Variants in GOLGA1 observed in about 807,000 individuals in gnomAD.
The protein encoded by GOLGA1 is golgin subfamily A member 1.
A neutral mutation model predicts 119.7 loss-of-function variants in GOLGA1; 63 were observed. That is an observed-to-expected ratio of 0.53 (90% CI 0.43 to 0.65). The LOEUF (loss-of-function observed/expected upper bound fraction) is 0.65. Among genes scored for constraint, GOLGA1 ranks in the 30% least tolerant of loss-of-function variants. GOLGA1 has a pLI of 0.00. For missense variants in GOLGA1, 798 were observed against 912.8 expected (o/e 0.87, Z 1.62); for synonymous variants, 318 against 333.4 (o/e 0.95, Z 0.50).
intron 12 of GOLGA1, among the ~76,000 whole-genome samples, chr9:124,903,486 A>AG (rs2131422330): frequency 6.6e-6 from 1 of 151,762 alleles, no homozygotes; most frequent in East Asian, 1.9e-4. Context: ...TAAAAAAAAA[A>AG]AAGCTATGCC....
intron 15 of GOLGA1, among the ~76,000 whole-genome samples, chr9:124,891,146 A>G (rs747829606): frequency 6.6e-6 from 1 of 152,184 alleles, no homozygotes; most frequent in Non-Finnish European, 1.5e-5. Flanking sequence ...TAGGCTGACA[A>G]GACAGAACTG....
In GOLGA1 at chr9:124,888,698, T is replaced by G. The variant is rs28605510; in HGVS notation, c.1762-302A>C. Reference sequence around the variant, plus strand: ...CATATGAGTGCCCTACTTTATTTATTTATCTATTTATTTATTTATTGAGAC... The same window carrying G: ...CATATGAGTGCCCTACTTTATTTATGTATCTATTTATTTATTTATTGAGAC... On this transcript the variant is annotated intron_variant, in intron 18 of 22. Coordinates refer to ENST00000373555, the MANE Select transcript of GOLGA1 (RefSeq NM_002077.4). The surrounding 1 kb of genome is among the most constrained non-coding windows in gnomAD (Gnocchi z 4.4). 6.6e-6 allele frequency among the ~76,000 whole-genome samples: 1 copy of G among 150,984 alleles called. No homozygotes were observed. Among genetic ancestry groups the G allele is most frequent in the Non-Finnish European group, 1.5e-5 (1 of 67,976 alleles).
In GOLGA1 at chr9:124,908,409, G is replaced by T. The variant is rs769548778; in HGVS notation, c.1033C>A (p.Gln345Lys). The T allele has an allele frequency of 3.1e-6, 5 of 1,609,292 alleles. No individual in the cohort carries two copies. The East Asian group carries it at 1.1e-4, about 36-fold the overall frequency. ...TCCAGGGTGTTAATGGCCTTAGCCT[G>T]GCTGCTTCTGGCTGCCAAGAGCTGT... ...RQQLLAARSS[Q>K]AKAINTLETR... is the part of the protein sequence containing the mutation. The change falls in exon 12 of 23, where the codon CAG (glutamine) becomes AAG (lysine). Residue 345 changes from glutamine (Q) to lysine (K), a missense_variant. Transcript: ENST00000373555.
intron 11 of GOLGA1, among the ~76,000 whole-genome samples, chr9:124,909,855 C>G (rs2131446432): frequency 6.6e-6 from 1 of 152,256 alleles, no homozygotes; most frequent in South Asian, 2.1e-4. Flanking sequence ...ACCTCCGCCT[C>G]CTGGGTTCAA....
Position 124,888,355 on chromosome 9 carries a change from T to C in GOLGA1, c.1803A>G (p.Pro601=). 1 of 1,613,480 alleles carries C rather than the reference T, an allele frequency of 6.2e-7. No homozygotes were observed. Among genetic ancestry groups the C allele is most frequent in the South Asian group, 1.1e-5 (1 of 91,078 alleles). The stretch of plus-strand genomic sequence containing the variant: ...CACCATTTGGTGTTCTTCCTGCAGT[T>C]GGAAGCTGGAACACAGGGTCCTGCA... ...RAMQDPVFQL[P]TAGRTPNGEV... Residue 601 remains proline, a synonymous_variant, in exon 19 of 23, where the codon CCA becomes CCG. Transcript: ENST00000373555. This position sits in a 1 kb window ranked among gnomAD's most constrained non-coding sequence, Gnocchi z 4.4.
intron 12 of GOLGA1, among the ~76,000 whole-genome samples, chr9:124,907,322 T>C (rs1830254215): frequency 6.6e-6 from 1 of 152,158 alleles, no homozygotes; most frequent in Non-Finnish European, 1.5e-5. Flanking sequence ...CCTAAGACCA[T>C]ACAGAAAGAC....
At chr9:124,880,810 C>T (rs1256600577) in intron 22 of GOLGA1, among the ~76,000 whole-genome samples, 200 bp from the exon 23 acceptor site, 1 of 152,212 alleles carries the variant, frequency 6.6e-6, no homozygotes, top group Non-Finnish European at 1.5e-5. Flanking sequence ...GAGAGAAAAA[C>T]ACTGAGTTGA....
intron 7 of GOLGA1, among the ~76,000 whole-genome samples, chr9:124,926,340 G>T (rs899321666): frequency 1.6e-4 from 25 of 152,310 alleles, no homozygotes; most frequent in African/African-American, 5.1e-4. Flanking sequence ...GGAGAAAGGT[G>T]GGGGAAGAAA....
At chr9:124,945,001 G>A (rs1212870311), upstream of GOLGA1, 1 of 152,058 alleles carries the variant, frequency 6.6e-6, no homozygotes, top group Admixed American at 6.5e-5. Flanking sequence ...ATAAGCCTAG[G>A]AGAAAAGTAT....
At chr9:124,936,822 T>C (rs1830879528) in intron 3 of GOLGA1, among the ~76,000 whole-genome samples, 1 of 152,194 alleles carries the variant, frequency 6.6e-6, no homozygotes. Flanking sequence ...TATAAGCATG[T>C]TGAATTAAAT....
At chr9:124,906,248 T>C (rs2131433669) in intron 12 of GOLGA1, among the ~76,000 whole-genome samples, 1 of 135,172 alleles carries the variant, frequency 7.4e-6, no homozygotes, top group Non-Finnish European at 1.6e-5. Flanking sequence ...AGCCTCAACA[T>C]GGTGAAACCC....
chr9:124,919,687 T>C (rs1830522674), intron 10 of GOLGA1, among the ~76,000 whole-genome samples: 1 of 152,166 alleles, frequency 6.6e-6, no homozygotes, highest in Non-Finnish European at 1.5e-5. Flanking sequence ...TAAGGCTCTG[T>C]CTCACTTGAG....
At chr9:124,942,280 G>A (rs112346120), upstream of GOLGA1, among the ~76,000 whole-genome samples, 37 of 152,264 alleles carry the variant, frequency 2.4e-4, no homozygotes, top group African/African-American at 8.2e-4. Flanking sequence ...CAAACAAAAA[G>A]TCACGGTCCA....
At chr9:124,947,652 A>G (rs1047574329) in intron 1 of GOLGA1, 3 of 152,244 alleles carry the variant, frequency 2.0e-5, no homozygotes, top group African/African-American at 4.8e-5. Context: ...ATACATATAT[A>G]CAAAAAGTAT....
chr9:124,915,762 G>A (rs1830427958), intron 10 of GOLGA1, among the ~76,000 whole-genome samples: 1 of 152,014 alleles, frequency 6.6e-6, no homozygotes, highest in African/African-American at 2.4e-5. Flanking sequence ...TCCAGCCTGG[G>A]CATCAAGAGC....
At chr9:124,898,092 C>G (rs1447944218) in intron 15 of GOLGA1, among the ~76,000 whole-genome samples, 1 of 152,192 alleles carries the variant, frequency 6.6e-6, no homozygotes, top group Non-Finnish European at 1.5e-5. Context: ...ATTGTTTCTT[C>G]ATTTCTGTAC....
chr9:124,934,300 C>T (rs1830824316), intron 3 of GOLGA1, among the ~76,000 whole-genome samples: 1 of 152,104 alleles, frequency 6.6e-6, no homozygotes, highest in African/African-American at 2.4e-5. Flanking sequence ...TGCAGTACAG[C>T]AGGTGCTATT....
chr9:124,901,825 G>T (rs558511170), intron 12 of GOLGA1, among the ~76,000 whole-genome samples: 2 of 152,218 alleles, frequency 1.3e-5, no homozygotes, highest in African/African-American at 4.8e-5. Flanking sequence ...CACTTCCTTA[G>T]GACAGATTCC....
rs1294976605 is a variant in GOLGA1, at chr9:124,879,303, T to C, written c.*1227A>G. The C allele has an allele frequency of 6.6e-6, 1 of 152,202 alleles. No individual in the cohort carries two copies. The highest frequency in any genetic ancestry group is 6.5e-5 in the Admixed American group (1 of 15,276). The allele number at this position is 152,202 out of a possible 1,614,324, so 9.4% of individuals were successfully genotyped here. A position where few individuals can be genotyped will look rare whatever the true frequency, so the allele number is the denominator to read the frequency against. ...TATTGTGGCTTTTCCAGAACCAGCA[T>C]GTTCCCTTTCCTCAGTAAACGAGGA... On this transcript the variant is annotated 3_prime_UTR_variant, in exon 23 of 23. Transcript: ENST00000373555.
Sources: gnomAD v4.1 joint callset for allele counts (sites outside exome capture counted in the v4.1 genomes callset) on GRCh38, gnomAD v4.1.1 for gene constraint, Gnocchi (gnomAD v3.1) non-coding constraint, MANE v1.5 for transcripts, NCBI Gene and HGNC (gene_info 2026-07-23, HGNC 2026-07-21) for gene names.